SRPK2: variants seen among roughly 807,000 people sequenced by gnomAD.
SRPK2 encodes SFRS protein kinase 2.
In SRPK2, 21 loss-of-function variants were observed where a neutral mutation model predicts 90.8. That is an observed-to-expected ratio of 0.23 (90% CI 0.16 to 0.33). SRPK2 has a LOEUF of 0.33. Among genes scored for constraint, SRPK2 ranks in the 10% least tolerant of loss-of-function variants. SRPK2 has a pLI of 1.00. For missense variants in SRPK2, 620 were observed against 869.0 expected, an observed-to-expected ratio of 0.71 and a Z score of 3.60; for synonymous variants, 288 against 311.1, an observed-to-expected ratio of 0.93 and a Z score of 0.78.
rs1790311865 is a variant in SRPK2, at chr7:105,168,073, T to G, written c.361A>C (p.Lys121Gln). The change falls in exon 5 of 16, where the codon AAA becomes CAA. Residue 121 changes from lysine to glutamine, a missense_variant. Lys to Gln is a moderately conservative substitution (Grantham distance 53). Coordinates refer to ENST00000393651, the MANE Select transcript of SRPK2 (RefSeq NM_182692.3). The stretch of plus-strand genomic sequence containing the variant: ...TAATGCTGGGCACTTTTTACAACTT[T>G]CATTGCAACAAATCTTTTCCCCCTA... ...DMQGKRFVAM[K>Q]VVKSAQHYTE... 1 of 1,612,384 alleles carries G rather than the reference T, an allele frequency of 6.2e-7. No homozygotes were observed.
intron 2 of SRPK2, among the ~76,000 whole-genome samples, chr7:105,295,078 G>A (rs1454443059): frequency 6.6e-6 from 1 of 151,834 alleles, no homozygotes; most frequent in African/African-American, 2.4e-5. Flanking sequence ...CAGGTGTGGT[G>A]GCATGCGCCT....
At chr7:105,182,632 T>C (rs912246204) in intron 3 of SRPK2, among the ~76,000 whole-genome samples, 6 of 152,046 alleles carry the variant, frequency 3.9e-5, no homozygotes, top group African/African-American at 1.4e-4. Flanking sequence ...TTGTGTTTTT[T>C]ATTTATTTAT....
Position 105,169,074 on chromosome 7 carries a change from G to T in SRPK2, c.338+83C>A, listed in dbSNP as rs1295452689. The T allele has an allele frequency of 1.7e-5, 20 of 1,208,466 alleles. No individual in the cohort carries two copies. The South Asian group carries it at 2.3e-4, about 14-fold the overall frequency. 74.9% of individuals were successfully genotyped at this position (1,208,466 alleles called of 1,614,324 possible). A position where few individuals can be genotyped will look rare whatever the true frequency, so the allele number is the denominator to read the frequency against. On this transcript the variant is annotated intron_variant, in intron 4 of 15. Coordinates refer to ENST00000393651, the MANE Select transcript of SRPK2 (RefSeq NM_182692.3). ...ACTTCACATACCTCAACAAAGCAGT[G>T]GTGACCCTCAGCCATACCTTCTTAG... is the stretch of plus-strand genomic sequence containing the variant.
chr7:105,357,053 T>C (rs1379058967), intron 2 of SRPK2, among the ~76,000 whole-genome samples: 1 of 151,804 alleles, frequency 6.6e-6, no homozygotes, highest in East Asian at 1.9e-4. Context: ...TTTTTTTTTT[T>C]GAGACGGAGT....
chr7:105,292,204 G>T (rs1809126769), intron 2 of SRPK2, among the ~76,000 whole-genome samples: 1 of 152,114 alleles, frequency 6.6e-6, no homozygotes, highest in Admixed American at 6.6e-5. Context: ...AACTATTCAT[G>T]TCTGGTTAAA....
At chr7:105,133,139 G>A (rs780202087) in intron 11 of SRPK2, 35 bp from the exon 12 acceptor site, 141 of 1,600,066 alleles carry the variant, frequency 8.8e-5, no homozygotes, top group African/African-American at 1.5e-4. Context: ...GTTAGTGATC[G>A]GGATAGGTGG....
At chr7:105,377,605 G>A (rs1820456433) in intron 2 of SRPK2, among the ~76,000 whole-genome samples, 1 of 152,102 alleles carries the variant, frequency 6.6e-6, no homozygotes, top group Non-Finnish European at 1.5e-5. Context: ...GGCTGAGGTG[G>A]GAGAATTGCT....
At chr7:105,270,117 G>A (rs1320518140) in intron 2 of SRPK2, among the ~76,000 whole-genome samples, 1 of 152,176 alleles carries the variant, frequency 6.6e-6, no homozygotes, top group Admixed American at 6.5e-5. Context: ...TCTCAGCGTT[G>A]TTAAAATAAG....
At chr7:105,390,473 G>A (rs1222821448), upstream of SRPK2, among the ~76,000 whole-genome samples, 1 of 152,008 alleles carries the variant, frequency 6.6e-6, no homozygotes, top group East Asian at 1.9e-4. Flanking sequence ...CTATCACCCA[G>A]GCTGGAGTGC....
At chr7:105,249,493 C>T (rs1420270112) in intron 2 of SRPK2, among the ~76,000 whole-genome samples, 2 of 149,904 alleles carry the variant, frequency 1.3e-5, no homozygotes, top group Non-Finnish European at 3.0e-5. Flanking sequence ...TCTTAAAGAA[C>T]AGAAAAAAAA....
intron 2 of SRPK2, chr7:105,268,944 T>G: frequency 6.7e-7 from 1 of 1,496,244 alleles, no homozygotes; most frequent in South Asian, 1.2e-5. Context: ...GAGATTTTTC[T>G]TCTCTAATCC....
chr7:105,344,716 C>T (rs1357752407), intron 2 of SRPK2, among the ~76,000 whole-genome samples: 11 of 151,872 alleles, frequency 7.2e-5, no homozygotes. Flanking sequence ...TACAACCCTT[C>T]CACTATTCCA....
chr7:105,269,390 T>G (rs1235160452), intron 2 of SRPK2, among the ~76,000 whole-genome samples: 2 of 152,166 alleles, frequency 1.3e-5, no homozygotes, highest in Non-Finnish European at 2.9e-5. Context: ...TTCAAAATGT[T>G]TAACCTTTGT....
chr7:105,150,921 A>ATCTT (rs1489078672), intron 7 of SRPK2, among the ~76,000 whole-genome samples: 1 of 152,160 alleles, frequency 6.6e-6, no homozygotes, highest in African/African-American at 2.4e-5. Flanking sequence ...GAGTTGTCCT[A>ATCTT]TCTTTCCACC....
intron 2 of SRPK2, among the ~76,000 whole-genome samples, chr7:105,351,475 G>C (rs1382342681): frequency 1.3e-5 from 2 of 150,530 alleles, no homozygotes; most frequent in African/African-American, 2.4e-5. Context: ...CTAGGTGACA[G>C]AGTTACACTC....
At chr7:105,235,042 C>T (rs1046467196) in intron 2 of SRPK2, among the ~76,000 whole-genome samples, 3 of 151,268 alleles carry the variant, frequency 2.0e-5, no homozygotes, top group African/African-American at 4.9e-5. Flanking sequence ...TTAGTGTTAG[C>T]GTATCTTATG....
intron 3 of SRPK2, among the ~76,000 whole-genome samples, chr7:105,191,140 C>T (rs1447832075): frequency 1.3e-5 from 2 of 152,136 alleles, no homozygotes. Flanking sequence ...AGAATGCATG[C>T]TATAAATTAC....
chr7:105,141,687 A>G (rs916518260), intron 11 of SRPK2, among the ~76,000 whole-genome samples: 8 of 152,232 alleles, frequency 5.3e-5, no homozygotes, highest in African/African-American at 1.9e-4. Flanking sequence ...AGAAGATACG[A>G]ATTTTAAACT....
At chr7:105,354,905 T>A (rs545509378) in intron 2 of SRPK2, among the ~76,000 whole-genome samples, 1 of 152,108 alleles carries the variant, frequency 6.6e-6, no homozygotes, top group South Asian at 2.1e-4. Flanking sequence ...TATTTCCCCC[T>A]CCCCACCAGC....
Sources: allele counts gnomAD v4.1 joint callset (sites outside exome capture counted in the v4.1 genomes callset), GRCh38; gene constraint gnomAD v4.1.1; transcripts MANE v1.5; gene names NCBI Gene and HGNC (gene_info 2026-07-23, HGNC 2026-07-21).